DENND2A: variants seen among roughly 807,000 people sequenced by gnomAD.
The protein encoded by DENND2A is DENN domain containing 2A.
Under a neutral mutation model 105.3 loss-of-function variants are expected in DENND2A, and 53 were observed. The ratio of observed to expected loss-of-function variants is 0.50; its 90% CI spans 0.40 to 0.63. The LOEUF is 0.63. Ranked by LOEUF, DENND2A falls within the 30% of genes least tolerant of loss-of-function variation. The probability of loss-of-function intolerance (pLI) is 0.00; values close to 1 mark genes in which losing one functional copy is unlikely to be tolerated. For synonymous variants in DENND2A, 522 were observed against 508.4 expected (o/e 1.03, Z -0.36); for missense variants, 1,138 against 1,279.6 (o/e 0.89, Z 1.69).
At chr7:140,590,293 G>A (rs866765388) in intron 3 of DENND2A, among the ~76,000 whole-genome samples, 3 of 152,088 alleles carry the variant, frequency 2.0e-5, no homozygotes, top group African/African-American at 4.8e-5. Context: ...GGGAGGCTGA[G>A]GCAGGAGAAT....
intron 1 of DENND2A, among the ~76,000 whole-genome samples, chr7:140,607,344 A>G (rs1486246510): frequency 6.6e-6 from 1 of 152,196 alleles, no homozygotes; most frequent in East Asian, 1.9e-4. Context: ...GAGAGTGCAC[A>G]TGGGTAACAA....
intron 14 of DENND2A, among the ~76,000 whole-genome samples, chr7:140,529,806 C>T (rs1332666471): frequency 7.7e-5 from 11 of 142,160 alleles, no homozygotes; most frequent in East Asian, 2.0e-4. Context: ...GGTAGGGGGA[C>T]GGGGGAGGGA....
chr7:140,605,217 T>G (rs1192928911), intron 2 of DENND2A, among the ~76,000 whole-genome samples: 1 of 152,170 alleles, frequency 6.6e-6, no homozygotes, highest in Non-Finnish European at 1.5e-5. Context: ...TCCCGCCCCA[T>G]AAGGGGTTCC....
rs1023655971 is a variant in DENND2A at position 140,547,120 on chromosome 7, C to CTG, written c.2038-183_2038-182dup. 1.1e-4 allele frequency among the ~76,000 whole-genome samples: 16 copies of CTG among 152,358 alleles called. No homozygotes were observed. In the East Asian group the frequency reaches 3.1e-3, roughly 29 times the overall value. On this transcript the variant is annotated intron_variant, in intron 12 of 19. Coordinates refer to ENST00000496613, the MANE Select transcript of DENND2A (RefSeq NM_015689.5). ...TGATTGTCCCCAATTCTTCTCTCCTCTGTGTGTCCACACCCTTTGCCATGC... is the reference window on the plus strand; with the variant it reads ...TGATTGTCCCCAATTCTTCTCTCCTCTGTGTGTGTCCACACCCTTTGCCATGC...
At chr7:140,544,933 T>G in intron 13 of DENND2A, 167 bp from the exon 14 acceptor site, 7 of 787,464 alleles carry the variant, frequency 8.9e-6, no homozygotes, top group Non-Finnish European at 1.1e-5. Context: ...AAAAGAAAGA[T>G]GCCAGAAGAC....
chr7:140,548,645 C>T (rs1310057276), intron 12 of DENND2A, among the ~76,000 whole-genome samples: 2 of 151,622 alleles, frequency 1.3e-5, no homozygotes, highest in African/African-American at 2.4e-5. Flanking sequence ...CAGAGTTTCG[C>T]TCTTGTTGCC....
In DENND2A at chr7:140,602,251, C is replaced by T; in HGVS notation, c.147G>A (p.Lys49=). 1.2e-6 allele frequency: 2 copies of T among 1,613,826 alleles called. No homozygotes were observed. The highest frequency in any genetic ancestry group is 8.5e-7 in the Non-Finnish European group (1 of 1,180,036). ...CTTTCTTCCCTTCCCATTCTGATAT[C>T]TTGTCCTTTATGTTGAGGGACTTGT... ...PRHKSLNIKD[K]ISEWEGKKEV... is the part of the protein sequence containing the mutation. Residue 49 remains lysine (K), a synonymous_variant, in exon 3 of 20, where the codon AAG becomes AAA. Coordinates refer to ENST00000496613, the MANE Select transcript of DENND2A (RefSeq NM_015689.5).
chr7:140,545,453 C>T (rs892067257), intron 13 of DENND2A, among the ~76,000 whole-genome samples: 1 of 152,116 alleles, frequency 6.6e-6, no homozygotes, highest in East Asian at 1.9e-4. Context: ...CAGGTTTGAG[C>T]GATTCTCCTG....
In DENND2A at chr7:140,557,509, GTATATA is replaced by G. The variant is rs1264932411; in HGVS notation, c.1959+628_1959+633del. On this transcript the variant is annotated intron_variant, in intron 11 of 19. Coordinates refer to ENST00000496613, the MANE Select transcript of DENND2A (RefSeq NM_015689.5). ...TGTTTTTTTAATGTTTTATTTTTTA[GTATATA>G]TATATATATATATATATTTTTTTTT... Among the ~76,000 whole-genome samples the G allele has an allele frequency of 8.3e-4, 14 of 16,780 alleles. No homozygotes were observed. The South Asian group carries it at 0.015, about 18-fold the overall frequency. 11.0% of individuals were successfully genotyped at this position (16,780 alleles called of 152,430 possible).
At chr7:140,587,391 C>T (rs992326207) in intron 4 of DENND2A, among the ~76,000 whole-genome samples, 2 of 152,160 alleles carry the variant, frequency 1.3e-5, no homozygotes, top group African/African-American at 4.8e-5. Context: ...CCACGCTTCT[C>T]GCTATGCCAC....
In DENND2A at chr7:140,601,432, G is replaced by T. The variant is rs756164121; in HGVS notation, c.966C>A (p.Thr322=). 25 of 1,608,428 alleles carry T rather than the reference G, an allele frequency of 1.6e-5. No individual in the cohort carries two copies. Among genetic ancestry groups the T allele is most frequent in the Non-Finnish European group, 2.0e-5 (24 of 1,177,676 alleles). Residue 322 remains threonine (T), a synonymous_variant, in exon 3 of 20, where the codon ACC becomes ACA. Transcript: ENST00000496613. ...GGTCTGCACTGGATTTCTGTCTCCCGGTCCACAGTCTTCTGTTCACAGAGG... is the reference window on the plus strand; with the variant it reads ...GGTCTGCACTGGATTTCTGTCTCCCTGTCCACAGTCTTCTGTTCACAGAGG... ...PPSSVNRRLW[T]GRQKSSADHR...
chr7:140,529,369 T>A (rs537500916), intron 14 of DENND2A, among the ~76,000 whole-genome samples: 12 of 152,300 alleles, frequency 7.9e-5, no homozygotes, highest in Admixed American at 5.2e-4. Context: ...AGTTCAACCA[T>A]TGTGGAAGAC....
chr7:140,616,231 G>T (rs777027463), intron 1 of DENND2A, among the ~76,000 whole-genome samples: 8 of 152,158 alleles, frequency 5.3e-5, no homozygotes, highest in Non-Finnish European at 1.2e-4. Context: ...GCCAGGTGTG[G>T]TGGCGGGCGC....
chr7:140,551,478 G>A (rs1797137992), intron 12 of DENND2A, among the ~76,000 whole-genome samples: 1 of 152,088 alleles, frequency 6.6e-6, no homozygotes, highest in Non-Finnish European at 1.5e-5. Flanking sequence ...AAGAGCACAT[G>A]TGGGCCATCT....
intron 1 of DENND2A, among the ~76,000 whole-genome samples, chr7:140,636,515 T>C (rs988242446): frequency 6.6e-6 from 1 of 152,156 alleles, no homozygotes; most frequent in Non-Finnish European, 1.5e-5. Context: ...CTGGGATCTT[T>C]TGGAATCTGA....
At chr7:140,587,120 ACT>A (rs1261804348) in intron 4 of DENND2A, among the ~76,000 whole-genome samples, 1 of 152,022 alleles carries the variant, frequency 6.6e-6, no homozygotes, top group Non-Finnish European at 1.5e-5. Context: ...TTAGTGCCAC[ACT>A]CTGACAGTTT....
Position 140,531,599 on chromosome 7 carries a change from G to A in DENND2A, c.2328-4104C>T, listed in dbSNP as rs549257773. ...GGATCACCTGAGGTCAGGAGTTCAA[G>A]GCTATACTGACCAACATGGAGAAAC... is the stretch of plus-strand genomic sequence containing the variant. On this transcript the variant is annotated intron_variant, in intron 14 of 19. Coordinates refer to ENST00000496613, the MANE Select transcript of DENND2A (RefSeq NM_015689.5). Among the ~76,000 whole-genome samples the A allele has an allele frequency of 6.8e-4, 103 of 150,464 alleles. 4 individuals are homozygous for A. Among genetic ancestry groups the A allele is most frequent in the African/African-American group, 2.5e-3 (101 of 40,008 alleles).
intron 12 of DENND2A, among the ~76,000 whole-genome samples, chr7:140,552,952 G>A (rs1185067016): frequency 6.6e-6 from 1 of 152,138 alleles, no homozygotes; most frequent in Non-Finnish European, 1.5e-5. Context: ...GTGGGCAGGA[G>A]GAAGGCTTTT....
intron 5 of DENND2A, 74 bp downstream of exon 5, chr7:140,585,515 G>T: frequency 1.3e-6 from 2 of 1,592,044 alleles, no homozygotes; most frequent in South Asian, 1.1e-5. Context: ...TCCAGTGCTG[G>T]CCGGAACTCC....
Sources: gnomAD v4.1 joint callset for allele counts (sites outside exome capture counted in the v4.1 genomes callset) on GRCh38, gnomAD v4.1.1 for gene constraint, MANE v1.5 for transcripts, NCBI Gene and HGNC (gene_info 2026-07-23, HGNC 2026-07-21) for gene names.